Variants in TECR observed in about 807,000 individuals in gnomAD.
TECR encodes the protein trans-2,3-enoyl-CoA reductase.
A neutral mutation model predicts 50.6 loss-of-function variants in TECR; 19 were observed. The observed-to-expected ratio is 0.38, with a 90% CI of 0.26 to 0.55. TECR has a LOEUF of 0.55. Among genes scored for constraint, TECR ranks in the 20% least tolerant of loss-of-function variants. The pLI, the probability that TECR is intolerant of heterozygous loss-of-function variation, is 0.79. For missense variants in TECR, 313 were observed against 408.3 expected (o/e 0.77, Z 2.01); for synonymous variants, 168 against 163.5 (o/e 1.03, Z -0.21).
At chr19:14,561,474 G>A (rs964391349) in intron 1 of TECR, among the ~76,000 whole-genome samples, 1 of 152,172 alleles carries the variant, frequency 6.6e-6, no homozygotes, top group Non-Finnish European at 1.5e-5. Flanking sequence ...TCACTGGCCT[G>A]GGGGCTCAGG....
Position 14,529,610 on chromosome 19 carries a change from C to T in TECR, c.-87C>T, listed in dbSNP as rs778093423. On this transcript the variant is annotated 5_prime_UTR_variant, in exon 1 of 13. Coordinates refer to ENST00000215567, the MANE Select transcript of TECR (RefSeq NM_138501.6). Reference sequence around the variant, plus strand: ...CAGAGCCGCGTTTAGTCTATCGCTGCGGTTGCGAGCGCTGTAGGGAGCCTG... The same window carrying T: ...CAGAGCCGCGTTTAGTCTATCGCTGTGGTTGCGAGCGCTGTAGGGAGCCTG... 27 of 1,594,858 alleles carry T rather than the reference C, an allele frequency of 1.7e-5. No individual in the cohort carries two copies. Among genetic ancestry groups the T allele is most frequent in the Non-Finnish European group, 1.9e-5 (22 of 1,163,408 alleles).
chr19:14,557,130 T>TTTATTTAC (rs1555736141), intron 1 of TECR, among the ~76,000 whole-genome samples: 1 of 150,024 alleles, frequency 6.7e-6, no homozygotes, highest in African/African-American at 2.4e-5. Context: ...TATTTATTTA[T>TTTATTTAC]TTATTTATTT....
intron 1 of TECR, among the ~76,000 whole-genome samples, chr19:14,561,247 G>T (rs1276686311): frequency 1.3e-5 from 2 of 152,190 alleles, no homozygotes; most frequent in Non-Finnish European, 2.9e-5. Flanking sequence ...ATTGTGTCCT[G>T]CTCCTTTTCC....
intron 2 of TECR, among the ~76,000 whole-genome samples, chr19:14,562,817 G>C (rs1437073543): frequency 6.6e-6 from 1 of 152,114 alleles, no homozygotes; most frequent in Non-Finnish European, 1.5e-5. Flanking sequence ...GGAGGAGTGA[G>C]CCTTGCCCCT....
intron 1 of TECR, among the ~76,000 whole-genome samples, chr19:14,538,406 A>G (rs1459246630): frequency 1.3e-5 from 2 of 152,206 alleles, no homozygotes; most frequent in Non-Finnish European, 2.9e-5. Context: ...CGCGGCCCAC[A>G]GGCAGGGTAA....
At chr19:14,564,740 T>C (rs2074022390) in intron 7 of TECR, 46 bp from the exon 8 acceptor site, 1 of 1,569,576 alleles carries the variant, frequency 6.4e-7, no homozygotes, top group Non-Finnish European at 8.8e-7. Context: ...GCATCTGCCT[T>C]GTCCGGTGCT....
chr19:14,535,436 G>A (rs1286393079), intron 1 of TECR, among the ~76,000 whole-genome samples: 6 of 141,686 alleles, frequency 4.2e-5, no homozygotes, highest in Non-Finnish European at 6.0e-5. Context: ...TGACCCGGGA[G>A]GCGGAGCTTG....
At chr19:14,535,826 A>G (rs908657828) in intron 1 of TECR, among the ~76,000 whole-genome samples, 1 of 147,318 alleles carries the variant, frequency 6.8e-6, no homozygotes, top group Non-Finnish European at 1.5e-5. Context: ...GACCTTTCCT[A>G]TGTTAGCCTG....
chr19:14,562,422 C>A, intron 1 of TECR, 103 bp from the exon 2 acceptor site: 1 of 1,316,496 alleles, frequency 7.6e-7, no homozygotes, highest in Non-Finnish European at 1.1e-6. Context: ...GCTTGTTGGC[C>A]CGGGAGGCCA....
intron 1 of TECR, among the ~76,000 whole-genome samples, chr19:14,543,585 C>A (rs1182929233): frequency 1.4e-5 from 2 of 146,720 alleles, no homozygotes; most frequent in Non-Finnish European, 1.5e-5. Context: ...ACTACAGGCG[C>A]CCGCTACCAC....
chr19:14,546,820 G>T (rs541652959), intron 1 of TECR, among the ~76,000 whole-genome samples: 19 of 152,300 alleles, frequency 1.2e-4, no homozygotes, highest in African/African-American at 4.3e-4. Context: ...CTCCCAGGTA[G>T]CTGGGACTAC....
At chr19:14,551,405 T>A (rs1184169342) in intron 1 of TECR, among the ~76,000 whole-genome samples, 1 of 152,110 alleles carries the variant, frequency 6.6e-6, no homozygotes, top group East Asian at 1.9e-4. Flanking sequence ...AGAAGGAGTT[T>A]TGACATGTTG....
At chr19:14,551,735 G>C (rs1236487737) in intron 1 of TECR, among the ~76,000 whole-genome samples, 1 of 152,052 alleles carries the variant, frequency 6.6e-6, no homozygotes, top group African/African-American at 2.4e-5. Context: ...AGAGGCCAGC[G>C]GGCTGGGTCC....
At chr19:14,535,572 AT>A (rs2072862863) in intron 1 of TECR, among the ~76,000 whole-genome samples, 1 of 31,742 alleles carries the variant, frequency 3.2e-5, no homozygotes, top group Non-Finnish European at 7.4e-5. Flanking sequence ...ATATATATAT[AT>A]ATATATATAT....
At chr19:14,554,333 A>G (rs2073643733) in intron 1 of TECR, among the ~76,000 whole-genome samples, 1 of 152,138 alleles carries the variant, frequency 6.6e-6, no homozygotes, top group African/African-American at 2.4e-5. Context: ...GACACACAGA[A>G]GTTTCAGGTT....
At position 14,557,114 on chromosome 19, in the gene TECR, C is replaced by CTTATTTATTTATTTATTTAT. The variant is rs3050003; in HGVS notation, c.16-5388_16-5369dup. Among the ~76,000 whole-genome samples the CTTATTTATTTATTTATTTAT allele has an allele frequency of 1.7e-3, 235 of 140,446 alleles. 1 individual carries two copies. The highest frequency in any genetic ancestry group is 2.3e-3 in the Non-Finnish European group (148 of 65,402). 92.1% of individuals were successfully genotyped at this position (140,446 alleles called of 152,430 possible). On this transcript the variant is annotated intron_variant, in intron 1 of 12. Coordinates refer to ENST00000215567, the MANE Select transcript of TECR (RefSeq NM_138501.6). ...GCTGTTCTGCTAGTGTTGGTCTAAT[C>CTTATTTATTTATTTATTTAT]TTATTTATTTATTTATTTATTTATT...
At chr19:14,547,616 C>T (rs1481077690) in intron 1 of TECR, among the ~76,000 whole-genome samples, 2 of 151,802 alleles carry the variant, frequency 1.3e-5, no homozygotes, top group Non-Finnish European at 2.9e-5. Context: ...CCTGCCTTGG[C>T]CTCCCAAAGT....
At chr19:14,545,418 G>C (rs1200069082) in intron 1 of TECR, among the ~76,000 whole-genome samples, 1 of 151,408 alleles carries the variant, frequency 6.6e-6, no homozygotes, top group Non-Finnish European at 1.5e-5. Context: ...CTGCACCGCT[G>C]TCTCCTCTCC....
chr19:14,565,073 A>G lies in TECR; in HGVS notation c.614A>G (p.Gln205Arg). Residue 205 changes from glutamine (Q) to arginine (R), a missense_variant, in exon 10 of 13, where the codon CAG (glutamine) becomes CGG (arginine). Transcript: ENST00000215567. ...KLALAIFVIC[Q>R]LGNFSIHMAL... ...ATCCTGCTTCTCTGACAGATCTGCC[A>G]GCTCGGCAACTTCTCCATCCACATG... The G allele has an allele frequency of 1.2e-6, 2 of 1,613,890 alleles. No individual in the cohort carries two copies. The highest frequency in any genetic ancestry group is 1.7e-6 in the Non-Finnish European group (2 of 1,180,032).
Sources: gnomAD v4.1 joint callset for allele counts (sites outside exome capture counted in the v4.1 genomes callset) on GRCh38, gnomAD v4.1.1 for gene constraint, MANE v1.5 for transcripts, NCBI Gene and HGNC (gene_info 2026-07-23, HGNC 2026-07-21) for gene names.